Variants in EXD3 observed in about 807,000 individuals in gnomAD.
EXD3 encodes exonuclease 3'-5' domain containing 3, also known as exonuclease mut-7 homolog.
Under a neutral mutation model 98.0 loss-of-function variants are expected in EXD3, and 92 were observed. That is an observed-to-expected ratio of 0.94 (90% CI 0.79 to 1.12). EXD3 has a LOEUF of 1.12. Ranked by LOEUF, EXD3 falls within the 50% of genes most tolerant of loss-of-function variation. The probability of loss-of-function intolerance (pLI) is 0.00; values close to 1 mark genes in which losing one functional copy is unlikely to be tolerated. For missense variants in EXD3, 1,222 were observed against 1,191.6 expected (o/e 1.03, Z -0.38); for synonymous variants, 569 against 526.0 (o/e 1.08, Z -1.12).
At position 137,324,513 on chromosome 9, in the gene EXD3, G is replaced by T. The variant is rs1220401510; in HGVS notation, c.1999-370C>A. On this transcript the variant is annotated intron_variant, in intron 17 of 21. Coordinates refer to ENST00000340951, the MANE Select transcript of EXD3 (RefSeq NM_017820.5). The surrounding 1 kb of genome is among the most constrained non-coding windows in gnomAD (Gnocchi z 4.1). Reference sequence around the variant, plus strand: ...ACAGTAACTTGCCCCTAGCTCATAGGGAGCCAACTACACATCAAAAATGAA... The same window carrying T: ...ACAGTAACTTGCCCCTAGCTCATAGTGAGCCAACTACACATCAAAAATGAA... Among the ~76,000 whole-genome samples the T allele has an allele frequency of 2.0e-5, 3 of 152,086 alleles. No individual in the cohort carries two copies. In the East Asian group the frequency reaches 5.8e-4, roughly 29 times the overall value.
chr9:137,318,438 G>A (rs552252822), intron 19 of EXD3, among the ~76,000 whole-genome samples: 2 of 152,262 alleles, frequency 1.3e-5, no homozygotes, highest in South Asian at 2.1e-4. Flanking sequence ...GTTTCAGGAC[G>A]TGTCCCCGTG....
At chr9:137,326,035 C>T (rs909990013) in intron 17 of EXD3, among the ~76,000 whole-genome samples, 5 of 150,394 alleles carry the variant, frequency 3.3e-5, no homozygotes, top group Non-Finnish European at 5.9e-5. Flanking sequence ...GCCGTGTTTG[C>T]GCCATCAGAC....
intron 17 of EXD3, among the ~76,000 whole-genome samples, chr9:137,329,406 C>T (rs1168224163): frequency 7.6e-5 from 1 of 13,220 alleles, no homozygotes; most frequent in Non-Finnish European, 1.2e-4. Flanking sequence ...CACGGGGCTA[C>T]ACGGGGCTAC....
At position 137,312,445 on chromosome 9, in the gene EXD3, C is replaced by T. The variant is rs150402537; in HGVS notation, c.2185-2745G>A. Among the ~76,000 whole-genome samples, 37 of 152,306 alleles carry T rather than the reference C, an allele frequency of 2.4e-4. No individual in the cohort carries two copies. In the East Asian group the frequency reaches 4.6e-3, roughly 19 times the overall value. ...AGCCCTGACACAGGGCACTTCCGCCCGGGACTGTGCGGGCTGGGCCACGAG... is the reference window on the plus strand; with the variant it reads ...AGCCCTGACACAGGGCACTTCCGCCTGGGACTGTGCGGGCTGGGCCACGAG... On this transcript the variant is annotated intron_variant, in intron 19 of 21. Transcript: ENST00000340951.
intron 1 of EXD3, among the ~76,000 whole-genome samples, chr9:137,396,605 C>T (rs893480282): frequency 6.6e-6 from 1 of 152,212 alleles, no homozygotes; most frequent in African/African-American, 2.4e-5. Context: ...GGGTAAGAAT[C>T]TGTCTCACCT....
At position 137,323,707 on chromosome 9, in the gene EXD3, G is replaced by A. The variant is rs778386522; in HGVS notation, c.2184+18C>T. 6.2e-6 allele frequency: 10 copies of A among 1,609,798 alleles called. No homozygotes were observed. The South Asian group carries it at 7.7e-5, about 12-fold the overall frequency. On this transcript the variant is annotated intron_variant, in intron 19 of 21. Transcript: ENST00000340951. ...ATCTTGTGCCAGCCCCAGGTAGGAC[G>A]GGGTGCGCAGGACCCACCTGGCAGC... is the stretch of plus-strand genomic sequence containing the variant.
chr9:137,307,665 A>C lies in EXD3; in HGVS notation c.2279-19T>G. On this transcript the variant is annotated intron_variant, in intron 20 of 21. Coordinates refer to ENST00000340951, the MANE Select transcript of EXD3 (RefSeq NM_017820.5). ...TCGTCACCTGTCAGTCAAGGAAGAG[A>C]GCTGGTCCGGGACTGTCCTAGGGAT... The C allele has an allele frequency of 6.2e-7, 1 of 1,608,088 alleles. No individual in the cohort carries two copies. Among genetic ancestry groups the C allele is most frequent in the Non-Finnish European group, 8.5e-7 (1 of 1,179,572 alleles).
chr9:137,387,733 C>T (rs1046462932), intron 2 of EXD3, among the ~76,000 whole-genome samples: 1 of 152,224 alleles, frequency 6.6e-6, no homozygotes, highest in Non-Finnish European at 1.5e-5. Flanking sequence ...AGGGACCTCC[C>T]AGACCCGCTC....
chr9:137,332,469 C>T (rs1235976719), intron 17 of EXD3, among the ~76,000 whole-genome samples: 1 of 151,692 alleles, frequency 6.6e-6, no homozygotes, highest in Non-Finnish European at 1.5e-5. Context: ...CACCTGTAGT[C>T]CCAGCTACTT....
intron 7 of EXD3, among the ~76,000 whole-genome samples, chr9:137,364,775 T>TC (rs1835139730): frequency 1.3e-5 from 2 of 149,170 alleles, no homozygotes; most frequent in Admixed American, 1.3e-4. Context: ...TCTATGTTTT[T>TC]TTTTTTTTTT....
At chr9:137,379,865 C>A (rs914289902) in intron 3 of EXD3, among the ~76,000 whole-genome samples, 4 of 152,064 alleles carry the variant, frequency 2.6e-5, no homozygotes, top group Non-Finnish European at 1.5e-5. Context: ...AATCCTGGCC[C>A]TCCAGACCCC....
intron 3 of EXD3, among the ~76,000 whole-genome samples, chr9:137,381,939 G>A (rs1836295693): frequency 6.6e-6 from 1 of 152,116 alleles, no homozygotes; most frequent in South Asian, 2.1e-4. Flanking sequence ...GGAGGTGAGA[G>A]CACGAGGAGG....
At chr9:137,317,324 G>A (rs544350217) in intron 19 of EXD3, among the ~76,000 whole-genome samples, 38 of 152,254 alleles carry the variant, frequency 2.5e-4, no homozygotes, top group African/African-American at 8.9e-4. Context: ...GGCCATGGCC[G>A]GTCCCTCCTG....
chr9:137,354,726 G>T lies in EXD3; in HGVS notation c.805C>A (p.His269Asn). The T allele has an allele frequency of 6.2e-7, 1 of 1,610,862 alleles. No homozygotes were observed. The highest frequency in any genetic ancestry group is 8.5e-7 in the Non-Finnish European group (1 of 1,179,688). Residue 269 changes from histidine (H) to asparagine (N), a missense_variant, in exon 9 of 22, where the codon CAC (histidine) becomes AAC (asparagine). By Grantham distance (68) the His-to-Asn change is moderately conservative. Transcript: ENST00000340951. ...TCCACAAACCGCTTGTGGCACAGGT[G>T]CCGCAGGGCCGCCAGGCGCTGCTGA... ...AIQQRLAALR[H>N]LCHKRFVEKS...
At chr9:137,413,732 A>T (rs986485872) in intron 1 of EXD3, among the ~76,000 whole-genome samples, 1 of 151,436 alleles carries the variant, frequency 6.6e-6, no homozygotes, top group Non-Finnish European at 1.5e-5. Flanking sequence ...TGAACTCCTG[A>T]CCTCACGTGA....
chr9:137,352,950 G>A (rs1564504341), intron 10 of EXD3, 164 bp from the exon 11 acceptor site: 5 of 1,418,210 alleles, frequency 3.5e-6, no homozygotes, highest in Non-Finnish European at 3.7e-6. Flanking sequence ...CCTGCCTGAG[G>A]TCAAGGTTCC....
intron 5 of EXD3, 56 bp downstream of exon 5, chr9:137,372,849 T>C (rs1835700609): frequency 1.3e-6 from 2 of 1,571,770 alleles, no homozygotes; most frequent in East Asian, 2.2e-5. Context: ...GGCGCGTCCT[T>C]GCCCCACCGC....
intron 1 of EXD3, among the ~76,000 whole-genome samples, chr9:137,421,806 C>T (rs2131855005): frequency 6.6e-6 from 1 of 152,172 alleles, no homozygotes; most frequent in South Asian, 2.1e-4. Context: ...CCTCTGCACT[C>T]CAGCATGGGT....
intron 1 of EXD3, among the ~76,000 whole-genome samples, chr9:137,412,492 G>C (rs1042392742): frequency 6.6e-6 from 1 of 152,200 alleles, no homozygotes; most frequent in Non-Finnish European, 1.5e-5. Flanking sequence ...GCCCACCGGG[G>C]CCCTTCCAGG....
Sources: allele counts gnomAD v4.1 joint callset (sites outside exome capture counted in the v4.1 genomes callset), GRCh38; gene constraint gnomAD v4.1.1; non-coding constraint Gnocchi (gnomAD v3.1); transcripts MANE v1.5; gene names NCBI Gene and HGNC (gene_info 2026-07-23, HGNC 2026-07-21).